SMURF2: variants seen among roughly 807,000 people sequenced by gnomAD.
The protein encoded by SMURF2 is SMAD specific E3 ubiquitin protein ligase 2.
Under a neutral mutation model 109.6 loss-of-function variants are expected in SMURF2, and 48 were observed. The ratio of observed to expected loss-of-function variants is 0.44; its 90% confidence interval spans 0.35 to 0.56. SMURF2 has a LOEUF of 0.56. Among genes scored for constraint, SMURF2 ranks in the 20% least tolerant of loss-of-function variants. SMURF2 has a pLI of 0.01. For synonymous variants in SMURF2, 288 were observed against 317.1 expected (o/e 0.91, Z 0.97); for missense variants, 575 against 909.0 (o/e 0.63, Z 4.72).
At chr17:64,578,835 A>G (rs1339547875) in intron 8 of SMURF2, among the ~76,000 whole-genome samples, 2 of 152,242 alleles carry the variant, frequency 1.3e-5, no homozygotes, top group African/African-American at 4.8e-5. Context: ...GTTGCAATGG[A>G]AAACAAATCA....
chr17:64,656,593 T>C (rs902555470), intron 1 of SMURF2, among the ~76,000 whole-genome samples: 1 of 151,902 alleles, frequency 6.6e-6, no homozygotes, highest in African/African-American at 2.4e-5. Context: ...AAATTACTCA[T>C]GAAACCTTAA....
At chr17:64,558,276 A>G (rs566069859) in intron 12 of SMURF2, among the ~76,000 whole-genome samples, 6 of 152,110 alleles carry the variant, frequency 3.9e-5, no homozygotes, top group South Asian at 4.2e-4. Context: ...GCAAGTGCCT[A>G]TAGTCCCAGC....
At chr17:64,598,836 C>A (rs1465795767) in intron 2 of SMURF2, among the ~76,000 whole-genome samples, 1 of 152,060 alleles carries the variant, frequency 6.6e-6, no homozygotes, top group Non-Finnish European at 1.5e-5. Flanking sequence ...CCATTCATGG[C>A]TTTTTCTTTC....
chr17:64,623,679 G>A (rs1456972662), intron 1 of SMURF2, among the ~76,000 whole-genome samples: 2 of 152,084 alleles, frequency 1.3e-5, no homozygotes, highest in Non-Finnish European at 2.9e-5. Context: ...ATCCTTTTCC[G>A]AGTTCCATTG....
chr17:64,648,091 A>AAC (rs1249073705), intron 1 of SMURF2, among the ~76,000 whole-genome samples: 1 of 133,086 alleles, frequency 7.5e-6, no homozygotes, highest in African/African-American at 3.0e-5. Flanking sequence ...AAAAAAAAAA[A>AAC]ACAGGATCTC....
At chr17:64,561,460 C>A in intron 12 of SMURF2, 40 bp downstream of exon 12, 3 of 1,368,466 alleles carry the variant, frequency 2.2e-6, no homozygotes, top group Non-Finnish European at 3.1e-6. Context: ...TTTGTAAGTA[C>A]AAAGATCCAT....
chr17:64,593,341 G>T (rs753397121), intron 4 of SMURF2, 99 bp downstream of exon 4: 19 of 934,842 alleles, frequency 2.0e-5, no homozygotes, highest in Admixed American at 3.5e-5. Context: ...TATATTTGAG[G>T]ATACATATAT....
At chr17:64,551,530 A>C in intron 16 of SMURF2, 54 bp downstream of exon 16, 2 of 1,578,020 alleles carry the variant, frequency 1.3e-6, no homozygotes, top group Admixed American at 1.7e-5. Flanking sequence ...GTAACAAAAT[A>C]ATTCCCAATC....
At position 64,553,730 on chromosome 17, in the gene SMURF2, G is replaced by A. The variant is rs73993984; in HGVS notation, c.1748+1126C>T. Among the ~76,000 whole-genome samples, 584 of 152,130 alleles carry A rather than the reference G, an allele frequency of 3.8e-3. 3 individuals carry two copies. Among genetic ancestry groups the A allele is most frequent in the African/African-American group, 0.013 (524 of 41,488 alleles). On this transcript the variant is annotated intron_variant, in intron 15 of 18. Coordinates refer to ENST00000262435, the MANE Select transcript of SMURF2 (RefSeq NM_022739.4). The stretch of plus-strand genomic sequence containing the variant: ...TAATTGACCGTCTTTCCCCGTATTC[G>A]TTCAGTTACATGTGTGTTTCTGCAG...
intron 1 of SMURF2, among the ~76,000 whole-genome samples, chr17:64,642,836 C>T (rs1360799183): frequency 6.6e-6 from 1 of 151,858 alleles, no homozygotes; most frequent in African/African-American, 2.4e-5. Flanking sequence ...CCTCTGTCGC[C>T]CCAGTTGCAG....
intron 8 of SMURF2, 134 bp from the exon 9 acceptor site, chr17:64,578,710 G>T: frequency 1.6e-6 from 1 of 606,940 alleles, no homozygotes; most frequent in Non-Finnish European, 2.8e-6. Context: ...TATCAAAAAA[G>T]GGCTTTACAA....
At chr17:64,595,702 GCTT>G (rs1425273564) in intron 3 of SMURF2, among the ~76,000 whole-genome samples, 1 of 152,130 alleles carries the variant, frequency 6.6e-6, no homozygotes, top group Non-Finnish European at 1.5e-5. Flanking sequence ...CATAAGAGAT[GCTT>G]CTGACAGCCA....
chr17:64,655,874 GAC>G (rs1167155131), intron 1 of SMURF2, among the ~76,000 whole-genome samples: 1 of 152,152 alleles, frequency 6.6e-6, no homozygotes, highest in African/African-American at 2.4e-5. Context: ...TAGCCTGAGT[GAC>G]AGAGTGAGAC....
chr17:64,588,845 G>A (rs570069073), intron 5 of SMURF2, among the ~76,000 whole-genome samples: 2 of 152,096 alleles, frequency 1.3e-5, no homozygotes, highest in South Asian at 2.1e-4. Flanking sequence ...GGCTGGTTTC[G>A]AACTCCTGAC....
chr17:64,644,703 G>A (rs1335019489), intron 1 of SMURF2, among the ~76,000 whole-genome samples: 3 of 150,986 alleles, frequency 2.0e-5, no homozygotes, highest in Admixed American at 6.6e-5. Context: ...CCTAAGATCA[G>A]GAGTTTGAGA....
chr17:64,650,349 T>G (rs930484283), intron 1 of SMURF2, among the ~76,000 whole-genome samples: 34 of 135,830 alleles, frequency 2.5e-4, no homozygotes, highest in African/African-American at 5.0e-4. Context: ...TGTTTTTTGT[T>G]TTTTTTTTTG....
intron 9 of SMURF2, among the ~76,000 whole-genome samples, chr17:64,576,519 C>T (rs1444132444): frequency 2.6e-5 from 4 of 151,744 alleles, no homozygotes; most frequent in South Asian, 2.1e-4. Context: ...CAAAAATTAG[C>T]TGGGTATGGT....
At chr17:64,572,781 AT>A (rs1969416573) in intron 9 of SMURF2, 1 of 152,210 alleles carries the variant, frequency 6.6e-6, no homozygotes, top group South Asian at 2.1e-4. Flanking sequence ...CATTGCTTCC[AT>A]TTGGCTGTTC....
chr17:64,562,614 G>C (rs1311740662), intron 11 of SMURF2, among the ~76,000 whole-genome samples, 157 bp downstream of exon 11: 1 of 152,052 alleles, frequency 6.6e-6, no homozygotes, highest in African/African-American at 2.4e-5. Context: ...GCGACCTCAG[G>C]TGATCCGCCC....
Sources: gnomAD v4.1 joint callset for allele counts (sites outside exome capture counted in the v4.1 genomes callset) on GRCh38, gnomAD v4.1.1 for gene constraint, MANE v1.5 for transcripts, NCBI Gene and HGNC (gene_info 2026-07-23, HGNC 2026-07-21) for gene names.